Variants in NID1 observed in about 807,000 individuals in gnomAD.
NID1 encodes the protein nidogen-1.
In NID1, 76 loss-of-function variants were observed where a neutral mutation model predicts 130.6. The observed-to-expected ratio is 0.58, with a 90% confidence interval of 0.48 to 0.70. The LOEUF (loss-of-function observed/expected upper bound fraction) is 0.70. Among genes scored for constraint, NID1 ranks in the 30% least tolerant of loss-of-function variants. The pLI is 0.00. For missense variants in NID1, 1,517 were observed against 1,664.8 expected, an observed-to-expected ratio of 0.91 and a Z score of 1.54; for synonymous variants, 665 against 675.1, an observed-to-expected ratio of 0.98 and a Z score of 0.23.
At position 236,045,443 on chromosome 1, in the gene NID1, C is replaced by A. The variant is rs1167702740; in HGVS notation, c.752+14G>T. The A allele has an allele frequency of 6.3e-7, 1 of 1,576,310 alleles. No individual in the cohort carries two copies. Among genetic ancestry groups the A allele is most frequent in the Non-Finnish European group, 8.7e-7 (1 of 1,146,118 alleles). ...ATTAAGAGGAGAATCTACTGAAGAA[C>A]AAAGAAAGCATACTTGGCCAAATTT... is the stretch of plus-strand genomic sequence containing the variant. On this transcript the variant is annotated intron_variant, in intron 3 of 19. Transcript: ENST00000264187.
At chr1:236,009,062 C>T (rs1281557500) in intron 12 of NID1, among the ~76,000 whole-genome samples, 4 of 152,160 alleles carry the variant, frequency 2.6e-5, no homozygotes, top group East Asian at 1.9e-4. Flanking sequence ...GAAACGCAGA[C>T]GCAGCTCTTG....
rs374515358 is a variant in NID1, at chr1:235,993,260, T to A, written c.2755+385A>T. 5.9e-5 allele frequency among the ~76,000 whole-genome samples: 9 copies of A among 152,304 alleles called. No homozygotes were observed. The South Asian group carries it at 1.2e-3, about 21-fold the overall frequency. On this transcript the variant is annotated intron_variant, in intron 13 of 19. Coordinates refer to ENST00000264187, the MANE Select transcript of NID1 (RefSeq NM_002508.3). Reference sequence around the variant, plus strand: ...GTTGGTCCCCACCATCCCTGCCATGTCCCAGTGCAGGAACATTCCACCTCC... The same window carrying A: ...GTTGGTCCCCACCATCCCTGCCATGACCCAGTGCAGGAACATTCCACCTCC...
intron 14 of NID1, among the ~76,000 whole-genome samples, chr1:235,987,158 C>T (rs1192335438): frequency 1.3e-5 from 2 of 152,136 alleles, no homozygotes; most frequent in African/African-American, 2.4e-5. Flanking sequence ...TCTCCTCAGA[C>T]AAGGCAAATC....
intron 1 of NID1, 188 bp downstream of exon 1, chr1:236,064,667 A>C: frequency 1.6e-6 from 1 of 635,006 alleles, no homozygotes; most frequent in Non-Finnish European, 2.8e-6. Flanking sequence ...CTCTTCGGAT[A>C]GCAGGGACCG....
At chr1:236,001,940 GTCA>G (rs1420325621) in intron 12 of NID1, among the ~76,000 whole-genome samples, 1 of 152,222 alleles carries the variant, frequency 6.6e-6, no homozygotes, top group Non-Finnish European at 1.5e-5. Context: ...AATCACTGTA[GTCA>G]TCATACGCTT....
At chr1:235,985,592 A>G in intron 14 of NID1, 87 bp from the exon 15 acceptor site, 3 of 1,437,888 alleles carry the variant, frequency 2.1e-6, no homozygotes, top group South Asian at 1.2e-5. Flanking sequence ...GCATTTGGAT[A>G]TCTTTTGTAA....
chr1:236,038,355 C>G (rs2102836522), intron 4 of NID1, 102 bp from the exon 5 acceptor site: 1 of 1,256,892 alleles, frequency 8.0e-7, no homozygotes, highest in East Asian at 2.5e-5. Context: ...GGACTCACAC[C>G]TGCATGGGCA....
chr1:236,042,325 C>A (rs1659477951), intron 3 of NID1, 33 bp from the exon 4 acceptor site: 2 of 1,578,408 alleles, frequency 1.3e-6, no homozygotes, highest in East Asian at 2.2e-5. Context: ...TAGAAACAGG[C>A]CAGCAACCCA....
rs1318308252 is a variant in NID1, at chr1:236,015,884, T to TGCATCCCAGCCTGCCCC, written c.2254+1247_2254+1263dup. On this transcript the variant is annotated intron_variant, in intron 10 of 19. Transcript: ENST00000264187. ...GCAGACATTTGCCCAGCACCTGTCT[T>TGCATCCCAGCCTGCCCC]GCATCCCAGCCTGCCCCTTCAGTGA... Among the ~76,000 whole-genome samples, 33 of 152,170 alleles carry TGCATCCCAGCCTGCCCC rather than the reference T, an allele frequency of 2.2e-4. No homozygotes were observed. The East Asian group carries it at 3.9e-3, about 18-fold the overall frequency.
intron 7 of NID1, among the ~76,000 whole-genome samples, chr1:236,027,224 C>A (rs7538137): frequency 0.017 from 2,590 of 152,128 alleles, 84 homozygotes; most frequent in African/African-American, 0.06. Flanking sequence ...ATGGCCCATA[C>A]GACAAAACCC....
At chr1:235,998,656 C>T (rs1353160149) in intron 12 of NID1, among the ~76,000 whole-genome samples, 2 of 149,604 alleles carry the variant, frequency 1.3e-5, no homozygotes. Flanking sequence ...GCCTGGACGA[C>T]AAGAGCAAAA....
intron 14 of NID1, among the ~76,000 whole-genome samples, chr1:235,985,744 G>T (rs1208343165): frequency 2.7e-5 from 4 of 147,186 alleles, no homozygotes; most frequent in Non-Finnish European, 5.9e-5. Flanking sequence ...GTGTGTGTGT[G>T]TGTGTGTGTG....
rs571649837 is a variant in NID1, at chr1:235,989,480, AT to A, written c.2928+1405del. On this transcript the variant is annotated intron_variant, in intron 14 of 19. Coordinates refer to ENST00000264187, the MANE Select transcript of NID1 (RefSeq NM_002508.3). ...TCATGCATGCATTTGTTCAGCAAAT[AT>A]TTTTTTGAGTGCTTCCTATATGCCA... 2.8e-3 allele frequency among the ~76,000 whole-genome samples: 428 copies of A among 152,318 alleles called. 1 individual carries two copies. The highest frequency in any genetic ancestry group is 9.9e-3 in the African/African-American group (411 of 41,570).
chr1:235,978,918 C>T lies in NID1; in HGVS notation c.3622+77G>A, dbSNP rs142736609. The T allele has an allele frequency of 2.5e-3, 2,402 of 961,898 alleles. 5 individuals carry two copies. Among genetic ancestry groups the T allele is most frequent in the Admixed American group, 3.7e-3 (206 of 55,774 alleles). The allele number at this position is 961,898 out of a possible 1,614,324, so 59.6% of individuals were successfully genotyped here. ...ATAATCAAGGCTACTAGTGGCCATA[C>T]GGGTAGCAGCCAGAGTGTGGGCTCT... On this transcript the variant is annotated intron_variant, in intron 19 of 19. Transcript: ENST00000264187.
intron 14 of NID1, among the ~76,000 whole-genome samples, chr1:235,987,780 G>T (rs1289937232): frequency 1.3e-5 from 2 of 152,176 alleles, no homozygotes; most frequent in Non-Finnish European, 2.9e-5. Context: ...GGAAGTGGTG[G>T]ACCAGGATGA....
Position 236,024,195 on chromosome 1 carries a change from A to T in NID1, c.2003T>A (p.Leu668His). The change falls in exon 9 of 20, where the codon CTT becomes CAT. Residue 668 changes from leucine to histidine, a missense_variant. Coordinates refer to ENST00000264187, the MANE Select transcript of NID1 (RefSeq NM_002508.3). ...AGTGCCGATGTAGCAGGGATTCTGA[A>T]GAGCATCAGGGGAGCCTTCTGTGAA... ...GPVREGSPDALQNPCYIGTHG... is the reference protein window; with the variant it reads ...GPVREGSPDAHQNPCYIGTHG... 2 of 1,614,272 alleles carry T rather than the reference A, an allele frequency of 1.2e-6. No homozygotes were observed. Among genetic ancestry groups the T allele is most frequent in the Non-Finnish European group, 1.7e-6 (2 of 1,180,044 alleles).
chr1:235,988,200 A>C (rs1657625180), intron 14 of NID1, among the ~76,000 whole-genome samples: 1 of 152,234 alleles, frequency 6.6e-6, no homozygotes. Flanking sequence ...CAACAACAAC[A>C]AAAGAACTGA....
chr1:236,037,660 G>GAAA (rs34826236), intron 5 of NID1, among the ~76,000 whole-genome samples: 14 of 127,988 alleles, frequency 1.1e-4, no homozygotes, highest in East Asian at 8.3e-4. Context: ...TCTGTCTCAA[G>GAAA]AAAAAAAAAA....
rs188530344 is a variant in NID1 at position 236,027,812 on chromosome 1, G to C, written c.1739-1671C>G. On this transcript the variant is annotated intron_variant, in intron 7 of 19. Transcript: ENST00000264187. ...CCACTGCACCACAGCCTTGGTGACAGAGCAAGACCCTGTCTCAAAACAACA... is the reference window on the plus strand; with the variant it reads ...CCACTGCACCACAGCCTTGGTGACACAGCAAGACCCTGTCTCAAAACAACA... Among the ~76,000 whole-genome samples, 404 of 150,270 alleles carry C rather than the reference G, an allele frequency of 2.7e-3. 2 individuals are homozygous for C. Among genetic ancestry groups the C allele is most frequent in the Middle Eastern group, 6.8e-3 (2 of 294 alleles).
Sources: allele counts gnomAD v4.1 joint callset (sites outside exome capture counted in the v4.1 genomes callset), GRCh38; gene constraint gnomAD v4.1.1; transcripts MANE v1.5; gene names NCBI Gene and HGNC (gene_info 2026-07-23, HGNC 2026-07-21).